DENND5B: variants seen among roughly 807,000 people sequenced by gnomAD.
DENND5B encodes the protein DENN domain containing 5B, also known as DENN domain-containing protein 5B.
DENND5B carries 34 observed loss-of-function variants against 140.6 expected under a neutral mutation model. The ratio of observed to expected loss-of-function variants is 0.24; its 90% CI spans 0.18 to 0.32. The LOEUF is 0.32. Ranked by LOEUF, DENND5B falls within the 10% of genes least tolerant of loss-of-function variation. The pLI is 1.00. For missense variants in DENND5B, 1,142 were observed against 1,560.2 expected (o/e 0.73, Z 4.52); for synonymous variants, 551 against 562.1 (o/e 0.98, Z 0.28).
chr12:31,384,337 A>G lies in DENND5B; in HGVS notation c.*3266T>C, dbSNP rs1940756932. On this transcript the variant is annotated 3_prime_UTR_variant, in exon 21 of 21. Coordinates refer to ENST00000389082, the MANE Select transcript of DENND5B (RefSeq NM_144973.4). ...CATGCCCAACATGTCTTATTTCTTT[A>G]TAACTGCACTTCTTATGTGACCCCA... 6.6e-6 allele frequency: 1 copy of G among 152,164 alleles called. No individual in the cohort carries two copies. Among genetic ancestry groups the G allele is most frequent in the Non-Finnish European group, 1.5e-5 (1 of 68,042 alleles). The allele number at this position is 152,164 out of a possible 1,614,324, so 9.4% of individuals were successfully genotyped here.
chr12:31,529,301 A>C (rs1948200479), intron 1 of DENND5B, among the ~76,000 whole-genome samples: 1 of 152,224 alleles, frequency 6.6e-6, no homozygotes, highest in Non-Finnish European at 1.5e-5. Flanking sequence ...TTATAACCTC[A>C]GTCATCCTAA....
intron 4 of DENND5B, among the ~76,000 whole-genome samples, chr12:31,456,583 T>G (rs2138192442): frequency 6.6e-6 from 1 of 152,310 alleles, no homozygotes; most frequent in Non-Finnish European, 1.5e-5. Flanking sequence ...TCTACACAAA[T>G]AGTGTATGAG....
intron 1 of DENND5B, among the ~76,000 whole-genome samples, chr12:31,556,250 A>G (rs1259401): frequency 0.78 from 119,292 of 152,072 alleles, 47,246 homozygotes; most frequent in African/African-American, 0.88. Flanking sequence ...TGTCACCCAG[A>G]CTGGAGTGGA....
rs577353449 is a variant in DENND5B at position 31,480,917 on chromosome 12, T to C, written c.238-662A>G. On this transcript the variant is annotated intron_variant, in intron 2 of 20. Transcript: ENST00000389082. The stretch of plus-strand genomic sequence containing the variant: ...TCTAGTAGAGATTATGCTCTAGTTC[T>C]TGGGAACTACCCAGGATTGAGGAAA... 3.4e-4 allele frequency among the ~76,000 whole-genome samples: 52 copies of C among 152,322 alleles called. 1 individual carries two copies. In the South Asian group the frequency reaches 0.01, roughly 30 times the overall value.
chr12:31,524,599 C>A (rs1165868295), intron 1 of DENND5B, among the ~76,000 whole-genome samples: 1 of 152,026 alleles, frequency 6.6e-6, no homozygotes, highest in Non-Finnish European at 1.5e-5. Flanking sequence ...GTTGCAGTGA[C>A]CTGAGACTGC....
intron 1 of DENND5B, chr12:31,534,783 T>C: frequency 1.9e-5 from 8 of 430,670 alleles, no homozygotes; most frequent in South Asian, 9.7e-5. Flanking sequence ...CTTGTCCTCC[T>C]GGCAATATCA....
rs1944974157 is a variant in DENND5B, at chr12:31,460,647, T to A, written c.905-266A>T. ...ATCATGGGTAGACGAACTTATATTC[T>A]CTTAAAGTGTGGAGGAATCAAGAAC... On this transcript the variant is annotated intron_variant, in intron 3 of 20. Coordinates refer to ENST00000389082, the MANE Select transcript of DENND5B (RefSeq NM_144973.4). Among the ~76,000 whole-genome samples the A allele has an allele frequency of 2.0e-5, 3 of 152,188 alleles. 1 individual carries two copies. In the South Asian group the frequency reaches 6.2e-4, roughly 32 times the overall value.
chr12:31,517,004 G>A (rs999758918), intron 1 of DENND5B, among the ~76,000 whole-genome samples: 1 of 126,546 alleles, frequency 7.9e-6, no homozygotes. Context: ...AACACTGTGT[G>A]TAGATACCTT....
intron 1 of DENND5B, among the ~76,000 whole-genome samples, chr12:31,553,762 A>T (rs1408236197): frequency 6.6e-6 from 1 of 152,162 alleles, no homozygotes; most frequent in Non-Finnish European, 1.5e-5. Context: ...TTGGGTGCAT[A>T]TATATTTAGG....
At chr12:31,516,857 T>G (rs1947676333) in intron 1 of DENND5B, among the ~76,000 whole-genome samples, 1 of 152,100 alleles carries the variant, frequency 6.6e-6, no homozygotes. Flanking sequence ...GAGGGCTGCT[T>G]GAGTCCAGGA....
At chr12:31,422,510 A>C (rs549797999) in intron 11 of DENND5B, among the ~76,000 whole-genome samples, 18 of 152,178 alleles carry the variant, frequency 1.2e-4, no homozygotes, top group Middle Eastern at 3.4e-3. Context: ...CTGAGGCAGG[A>C]GAATCACTTG....
intron 3 of DENND5B, among the ~76,000 whole-genome samples, chr12:31,471,983 T>A (rs1257851527): frequency 6.6e-6 from 1 of 152,150 alleles, no homozygotes; most frequent in African/African-American, 2.4e-5. Context: ...GAAGCTGATA[T>A]GCTCTGCACA....
intron 7 of DENND5B, among the ~76,000 whole-genome samples, chr12:31,438,033 G>C (rs186714072): frequency 6.6e-6 from 1 of 152,280 alleles, no homozygotes; most frequent in African/African-American, 2.4e-5. Flanking sequence ...CCAAGCTGGA[G>C]TGCAGTGGCT....
At chr12:31,542,224 G>T (rs937589618) in intron 1 of DENND5B, among the ~76,000 whole-genome samples, 30 of 151,270 alleles carry the variant, frequency 2.0e-4, no homozygotes, top group African/African-American at 6.6e-4. Context: ...GGAGGTGGAG[G>T]TTGCAGTGAG....
chr12:31,582,530 T>C (rs759690069), intron 1 of DENND5B, among the ~76,000 whole-genome samples: 4 of 152,262 alleles, frequency 2.6e-5, no homozygotes, highest in African/African-American at 4.8e-5. Context: ...AAGTGGTATA[T>C]TTCATAGTAA....
intron 1 of DENND5B, among the ~76,000 whole-genome samples, chr12:31,501,089 T>C (rs184045154): frequency 4.5e-4 from 68 of 152,260 alleles, no homozygotes; most frequent in Non-Finnish European, 2.4e-4. Flanking sequence ...AAGACTGATA[T>C]GGTTTGGCTA....
chr12:31,452,091 A>G lies in DENND5B; in HGVS notation c.1478T>C (p.Leu493Pro), dbSNP rs1481543398. The change falls in exon 5 of 21, where the codon CTA (leucine) becomes CCA (proline). Residue 493 changes from leucine to proline, a missense_variant. By Grantham distance (98) the Leu-to-Pro change is moderately conservative. Around this residue, in one of 5 missense-constraint regions of DENND5B, gnomAD observed 708 missense variants for 905.5 expected, o/e 0.78. Coordinates refer to ENST00000389082, the MANE Select transcript of DENND5B (RefSeq NM_144973.4). ...CTGTACATTGAGCTGGTAGTCCCTT[A>G]GTTCTGCCTCTTCACAATGCAGTTT... ...DLKLHCEEAE[L>P]RDYQLNVQLR... is the part of the protein sequence containing the mutation. 6.2e-7 allele frequency: 1 copy of G among 1,613,994 alleles called. No individual in the cohort carries two copies. The highest frequency in any genetic ancestry group is 1.7e-5 in the Admixed American group (1 of 60,024).
At chr12:31,412,728 G>A (rs1942529012) in intron 13 of DENND5B, among the ~76,000 whole-genome samples, 2 of 152,124 alleles carry the variant, frequency 1.3e-5, no homozygotes, top group African/African-American at 4.8e-5. Flanking sequence ...GCCCTTTACT[G>A]GGACCTCCTC....
At chr12:31,497,708 GA>G (rs1946812500) in intron 1 of DENND5B, among the ~76,000 whole-genome samples, 1 of 141,372 alleles carries the variant, frequency 7.1e-6, no homozygotes, top group Non-Finnish European at 1.5e-5. Context: ...GAGGTGGGCA[GA>G]TCACTTGAGA....
Sources: allele counts gnomAD v4.1 joint callset (sites outside exome capture counted in the v4.1 genomes callset), GRCh38; gene constraint gnomAD v4.1.1; regional missense constraint gnomAD v4.1.1; transcripts MANE v1.5; gene names NCBI Gene and HGNC (gene_info 2026-07-23, HGNC 2026-07-21).